The following RNF144A variants were observed in gnomAD, a reference collection of about 807,000 sequenced individuals.
RNF144A encodes E3 ubiquitin-protein ligase RNF144A.
A neutral mutation model predicts 38.7 loss-of-function variants in RNF144A; 11 were observed. The ratio of observed to expected loss-of-function variants is 0.28; its 90% CI spans 0.18 to 0.47. The LOEUF is 0.47. Ranked by LOEUF, RNF144A falls within the 20% of genes least tolerant of loss-of-function variation. RNF144A has a pLI of 0.99. For missense variants in RNF144A, 316 were observed against 377.2 expected, an observed-to-expected ratio of 0.84 and a Z score of 1.34; for synonymous variants, 149 against 143.9, an observed-to-expected ratio of 1.04 and a Z score of -0.25.
chr2:7,018,323 C>G (rs1162875674), intron 5 of RNF144A, among the ~76,000 whole-genome samples: 1 of 152,226 alleles, frequency 6.6e-6, no homozygotes, highest in Admixed American at 6.5e-5. Flanking sequence ...GCACTTGCAC[C>G]CTCCCGCAGG....
chr2:7,058,759 A>G (rs560980636), intron 6 of RNF144A, among the ~76,000 whole-genome samples: 7 of 152,304 alleles, frequency 4.6e-5, no homozygotes, highest in African/African-American at 1.7e-4. Context: ...CAGTTGGTAG[A>G]CATATATAAA....
Position 6,921,716 on chromosome 2 carries a change from A to G in RNF144A, c.-212+4094A>G, listed in dbSNP as rs142897014. On this transcript the variant is annotated intron_variant, in intron 1 of 8. Coordinates refer to ENST00000320892, the MANE Select transcript of RNF144A (RefSeq NM_014746.6). ...AGCATGGGAGGTCAGGGCAGAGAGC[A>G]GTGGGACCCACAGGAGGGTGCCTGG... Among the ~76,000 whole-genome samples the G allele has an allele frequency of 4.1e-3, 631 of 152,334 alleles. 4 individuals are homozygous for G. The highest frequency in any genetic ancestry group is 0.015 in the African/African-American group (607 of 41,582).
Position 7,042,805 on chromosome 2 carries a change from C to T in RNF144A, c.*3045C>T. ...ATAACTGTCCAAATTAGTTCTTCCT[C>T]CTCAACTCATAGGAGTAGCTGTGGA... is the stretch of plus-strand genomic sequence containing the variant. On this transcript the variant is annotated 3_prime_UTR_variant, in exon 9 of 9. Coordinates refer to ENST00000320892, the MANE Select transcript of RNF144A (RefSeq NM_014746.6). The T allele has an allele frequency of 1.0e-6, 1 of 985,468 alleles. No individual in the cohort carries two copies. Among genetic ancestry groups the T allele is most frequent in the South Asian group, 4.7e-5 (1 of 21,292 alleles). The allele number at this position is 985,468 out of a possible 1,614,324, so 61.0% of individuals were successfully genotyped here.
In RNF144A at chr2:6,958,379, A is replaced by C. The variant is rs1667136226; in HGVS notation, c.-12+17232A>C. Among the ~76,000 whole-genome samples the C allele has an allele frequency of 6.6e-6, 1 of 152,224 alleles. No homozygotes were observed. The highest frequency in any genetic ancestry group is 1.5e-5 in the Non-Finnish European group (1 of 68,044). Reference sequence around the variant, plus strand: ...TTTCCTCCCCGACACCCAGGTGACCACCCAGTTTGGGAGGAAAACAGAATA... The same window carrying C: ...TTTCCTCCCCGACACCCAGGTGACCCCCCAGTTTGGGAGGAAAACAGAATA... On this transcript the variant is annotated intron_variant, in intron 2 of 8. Coordinates refer to ENST00000320892, the MANE Select transcript of RNF144A (RefSeq NM_014746.6). This position sits in a 1 kb window ranked among gnomAD's most constrained non-coding sequence, Gnocchi z 4.5.
At chr2:6,929,267 G>A (rs1343339832) in intron 1 of RNF144A, among the ~76,000 whole-genome samples, 1 of 152,172 alleles carries the variant, frequency 6.6e-6, no homozygotes, top group Non-Finnish European at 1.5e-5. Flanking sequence ...GAAGTCACAT[G>A]TCCCTGAGTT....
chr2:7,030,537 G>A (rs1303717914), intron 8 of RNF144A, among the ~76,000 whole-genome samples: 1 of 152,070 alleles, frequency 6.6e-6, no homozygotes, highest in Non-Finnish European at 1.5e-5. Flanking sequence ...CCTGCTGACC[G>A]TGTTTAGGTA....
At chr2:7,067,303 C>T (rs1307787517) in intron 6 of RNF144A, among the ~76,000 whole-genome samples, 5 of 152,178 alleles carry the variant, frequency 3.3e-5, no homozygotes, top group Admixed American at 3.3e-4. Flanking sequence ...ATTAAAACTG[C>T]TCCTTTCCTG....
At chr2:7,019,145 G>A (rs867021875) in intron 5 of RNF144A, among the ~76,000 whole-genome samples, 1 of 152,224 alleles carries the variant, frequency 6.6e-6, no homozygotes, top group African/African-American at 2.4e-5. Context: ...CCCTGGATTA[G>A]ATGACTAGAT....
At chr2:7,072,712 G>A (rs554651977), downstream of RNF144A, among the ~76,000 whole-genome samples, 10 of 152,342 alleles carry the variant, frequency 6.6e-5, no homozygotes, top group South Asian at 6.2e-4. Flanking sequence ...TTAGAGCTTA[G>A]TGGTGTCAGG....
chr2:6,939,828 ATGTCATGATACTCT>A (rs1284552675), intron 1 of RNF144A, among the ~76,000 whole-genome samples: 6 of 152,150 alleles, frequency 3.9e-5, no homozygotes, highest in Non-Finnish European at 8.8e-5. Context: ...ACCCATTGAA[ATGTCATGATACTCT>A]TGTCAAGAAT....
intron 1 of RNF144A, among the ~76,000 whole-genome samples, chr2:6,923,566 A>G (rs1664676912): frequency 6.6e-6 from 1 of 152,194 alleles, no homozygotes; most frequent in African/African-American, 2.4e-5. Context: ...AAGGCTCATC[A>G]CAAATGCTGC....
Position 6,997,000 on chromosome 2 carries a change from G to C in RNF144A, c.74G>C (p.Gly25Ala). 6.2e-7 allele frequency: 1 copy of C among 1,614,158 alleles called. No homozygotes were observed. The change falls in exon 3 of 9, where the codon GGG becomes GCG. Residue 25 changes from glycine to alanine, a missense_variant. Physicochemically the swap from Gly to Ala is moderately conservative, Grantham distance 60. Transcript: ENST00000320892. ...DPLVSCKLCL[G>A]EYPVEQMTTI... ...CTGGTGTCTTGCAAGCTCTGTCTTG[G>C]GGAGTACCCAGTGGAGCAGATGACA... is the stretch of plus-strand genomic sequence containing the variant.
At chr2:7,071,921 A>G (rs1459742533), downstream of RNF144A, among the ~76,000 whole-genome samples, 1 of 152,238 alleles carries the variant, frequency 6.6e-6, no homozygotes, top group Admixed American at 6.5e-5. Context: ...CTCCTAAGGA[A>G]GAAATTCCTC....
the RNF144A span, chr2:7,074,677 G>A: frequency 1.3e-5 from 2 of 152,196 alleles, no homozygotes; most frequent in African/African-American, 4.8e-5. Flanking sequence ...AAACATCTGT[G>A]TCTATGTCAC....
chr2:7,015,459 C>A (rs964158335), intron 5 of RNF144A, among the ~76,000 whole-genome samples: 6 of 152,206 alleles, frequency 3.9e-5, no homozygotes, highest in African/African-American at 1.4e-4. Context: ...AATAGTCCTT[C>A]TGGCTGGAGC....
intron 6 of RNF144A, among the ~76,000 whole-genome samples, chr2:7,065,098 G>T (rs1006608772): frequency 6.6e-6 from 1 of 152,204 alleles, no homozygotes; most frequent in Non-Finnish European, 1.5e-5. Flanking sequence ...CTATGTGCTA[G>T]GTACCACTCT....
At chr2:6,960,076 G>A (rs1667243769) in intron 2 of RNF144A, among the ~76,000 whole-genome samples, 1 of 152,230 alleles carries the variant, frequency 6.6e-6, no homozygotes, top group Non-Finnish European at 1.5e-5. Context: ...ATAAATGAAT[G>A]TCTTGCCCCT....
chr2:6,974,339 G>A (rs1668175554), intron 2 of RNF144A, among the ~76,000 whole-genome samples: 1 of 152,198 alleles, frequency 6.6e-6, no homozygotes, highest in South Asian at 2.1e-4. Flanking sequence ...GTTGCAGACT[G>A]CCGAGATCCA....
At chr2:6,999,355 G>T (rs1333925897) in intron 3 of RNF144A, among the ~76,000 whole-genome samples, 1 of 152,332 alleles carries the variant, frequency 6.6e-6, no homozygotes, top group East Asian at 1.9e-4. Flanking sequence ...CTTCCCCTCT[G>T]TGTGGGCTGC....
Sources: allele counts gnomAD v4.1 joint callset (sites outside exome capture counted in the v4.1 genomes callset), GRCh38; gene constraint gnomAD v4.1.1; non-coding constraint Gnocchi (gnomAD v3.1); transcripts MANE v1.5; gene names NCBI Gene and HGNC (gene_info 2026-07-23, HGNC 2026-07-21).